ADRA1A: variants seen among roughly 807,000 people sequenced by gnomAD.
ADRA1A encodes the protein alpha-1A adrenergic receptor.
Under a neutral mutation model 29.6 loss-of-function variants are expected in ADRA1A, and 31 were observed. The observed-to-expected ratio is 1.05, with a 90% CI of 0.79 to 1.41. The LOEUF (loss-of-function observed/expected upper bound fraction) is 1.41. Among genes scored for constraint, ADRA1A ranks in the 40% most tolerant of loss-of-function variants. ADRA1A has a pLI of 0.00. For missense variants in ADRA1A, 619 were observed against 601.1 expected (o/e 1.03, Z -0.31); for synonymous variants, 311 against 254.3 (o/e 1.22, Z -2.12).
chr8:26,816,717 C>T (rs1385141969), intron 2 of ADRA1A, among the ~76,000 whole-genome samples: 1 of 152,206 alleles, frequency 6.6e-6, no homozygotes, highest in Non-Finnish European at 1.5e-5. Context: ...CCTCAGCGCC[C>T]ACCAGCTGCT....
At chr8:26,785,322 T>C (rs983308485) in intron 2 of ADRA1A, among the ~76,000 whole-genome samples, 1 of 152,196 alleles carries the variant, frequency 6.6e-6, no homozygotes, top group African/African-American at 2.4e-5. Context: ...ATTACACACA[T>C]TTTGATCTAA....
intron 2 of ADRA1A, among the ~76,000 whole-genome samples, chr8:26,845,449 T>C (rs1812131342): frequency 6.6e-6 from 1 of 152,188 alleles, no homozygotes; most frequent in African/African-American, 2.4e-5. Context: ...ATGGTGAGGA[T>C]GTAGAGAAAC....
chr8:26,828,543 C>A (rs1810751492), intron 2 of ADRA1A, among the ~76,000 whole-genome samples: 1 of 152,162 alleles, frequency 6.6e-6, no homozygotes, highest in African/African-American at 2.4e-5. Flanking sequence ...GCTCTATCAG[C>A]TGGGGAAAGA....
At chr8:26,749,156 G>A (rs1733295431) in intron 2 of ADRA1A, among the ~76,000 whole-genome samples, 1 of 152,176 alleles carries the variant, frequency 6.6e-6, no homozygotes, top group African/African-American at 2.4e-5. Context: ...TCTAAAATAA[G>A]CTCTCAAAGT....
intron 2 of ADRA1A, among the ~76,000 whole-genome samples, chr8:26,847,044 G>T (rs1461269755): frequency 6.6e-6 from 1 of 152,040 alleles, no homozygotes; most frequent in Non-Finnish European, 1.5e-5. Flanking sequence ...ACAGGAAGGG[G>T]AACATCACAC....
rs186128372 is a variant in ADRA1A, at chr8:26,800,821, C to T, written c.884-30155G>A. Among the ~76,000 whole-genome samples the T allele has an allele frequency of 2.1e-3, 326 of 152,150 alleles. 1 individual carries two copies. Among genetic ancestry groups the T allele is most frequent in the African/African-American group, 7.6e-3 (316 of 41,524 alleles). ...AATCATCAAAAAGAGACATAAAAAA[C>T]CCCAAAACAAAATTACAGGATAATA... is the stretch of plus-strand genomic sequence containing the variant. On this transcript the variant is annotated intron_variant, in intron 2 of 2. Coordinates refer to ENST00000380573, the MANE Select transcript of ADRA1A (RefSeq NM_000680.4).
intron 2 of ADRA1A, among the ~76,000 whole-genome samples, chr8:26,842,731 C>G (rs1158751521): frequency 2.0e-5 from 3 of 152,110 alleles, no homozygotes; most frequent in Non-Finnish European, 4.4e-5. Flanking sequence ...AAACCTTTGT[C>G]TGGTTTTCAA....
In ADRA1A at chr8:26,864,154, T is replaced by C; in HGVS notation, c.816A>G (p.Lys272=). 6.2e-7 allele frequency: 1 copy of C among 1,614,098 alleles called. No individual in the cohort carries two copies. The highest frequency in any genetic ancestry group is 8.5e-7 in the Non-Finnish European group (1 of 1,180,022). The part of the protein sequence containing the change: ...LKFSREKKAA[K]TLGIVVGCFV... Reference sequence around the variant, plus strand: ...AGCAGCCGACCACGATGCCCAGCGTTTTGGCCGCTTTCTTCTCCCGGGAGA... The same window carrying C: ...AGCAGCCGACCACGATGCCCAGCGTCTTGGCCGCTTTCTTCTCCCGGGAGA... The change falls in exon 2 of 3, where the codon AAA becomes AAG. Residue 272 remains lysine, a synonymous_variant. Transcript: ENST00000380573. The surrounding 1 kb of genome is among the most constrained non-coding windows in gnomAD (Gnocchi z 8.1).
Position 26,825,715 on chromosome 8 carries a change from G to A in ADRA1A, c.883+38372C>T, listed in dbSNP as rs1454889147. Among the ~76,000 whole-genome samples, 2 of 152,208 alleles carry A rather than the reference G, an allele frequency of 1.3e-5. No individual in the cohort carries two copies. The highest frequency in any genetic ancestry group is 4.8e-5 in the African/African-American group (2 of 41,446). ...TTGTAATGATATATGAATTGCACAT[G>A]CACGCTAATTTATACTCTCCCTCCT... On this transcript the variant is annotated intron_variant, in intron 2 of 2. Coordinates refer to ENST00000380573, the MANE Select transcript of ADRA1A (RefSeq NM_000680.4). The surrounding 1 kb of genome is among the most constrained non-coding windows in gnomAD (Gnocchi z 5.7).
At chr8:26,850,025 C>CAAAAAAAACAAAAACAAAAAACA (rs141672591) in intron 2 of ADRA1A, among the ~76,000 whole-genome samples, 2 of 121,558 alleles carry the variant, frequency 1.6e-5, no homozygotes, top group Non-Finnish European at 3.4e-5. Flanking sequence ...GAGAGAAATG[C>CAAAAAAAACAAAAACAAAAAACA]AAAAACAAAA....
At chr8:26,763,419 G>C (rs73558246), downstream of ADRA1A, among the ~76,000 whole-genome samples, 388 of 152,306 alleles carry the variant, frequency 2.5e-3, 1 homozygote, top group African/African-American at 8.2e-3. The surrounding 1 kb of genome is among the most constrained non-coding windows in gnomAD (Gnocchi z 4.5). Context: ...GATGAGGTGA[G>C]GAGCTGAATG....
intron 2 of ADRA1A, among the ~76,000 whole-genome samples, chr8:26,842,876 C>CAT (rs71858146): frequency 7.2e-5 from 7 of 96,570 alleles, no homozygotes; most frequent in African/African-American, 2.4e-4. Flanking sequence ...TACACACACA[C>CAT]ACACACACAC....
intron 2 of ADRA1A, among the ~76,000 whole-genome samples, chr8:26,822,059 C>A (rs1810210787): frequency 6.6e-6 from 1 of 152,122 alleles, no homozygotes; most frequent in African/African-American, 2.4e-5. Flanking sequence ...AACTCCTGTA[C>A]AAGTTTTTTG....
chr8:26,759,160 T>C (rs1230980146), intron 2 of ADRA1A, among the ~76,000 whole-genome samples: 1 of 152,222 alleles, frequency 6.6e-6, no homozygotes, highest in Non-Finnish European at 1.5e-5. Flanking sequence ...TCACATCTGA[T>C]GAAGAAAGCA....
At chr8:26,792,988 G>A (rs1421467143) in intron 2 of ADRA1A, among the ~76,000 whole-genome samples, 1 of 151,758 alleles carries the variant, frequency 6.6e-6, no homozygotes, top group East Asian at 1.9e-4. Context: ...AGACACAAAA[G>A]ACATGGTTAC....
chr8:26,769,674 C>CA lies in ADRA1A; in HGVS notation c.*474_*475insT. 2.0e-6 allele frequency: 2 copies of CA among 986,412 alleles called. No individual in the cohort carries two copies. The highest frequency in any genetic ancestry group is 2.4e-6 in the Non-Finnish European group (2 of 830,686). 61.1% of individuals were successfully genotyped at this position (986,412 alleles called of 1,614,324 possible). A position where few individuals can be genotyped will look rare whatever the true frequency, so the allele number is the denominator to read the frequency against. Reference sequence around the variant, plus strand: ...AATGTGTCTGGATCTCGGCCACCATCTTAATGCTCTTCCTCTCTAGGCCCT... The same window carrying CA: ...AATGTGTCTGGATCTCGGCCACCATCATTAATGCTCTTCCTCTCTAGGCCCT... On this transcript the variant is annotated 3_prime_UTR_variant, in exon 3 of 3. Transcript: ENST00000380573.
chr8:26,792,712 C>A (rs1288204381), intron 2 of ADRA1A, among the ~76,000 whole-genome samples: 3 of 147,116 alleles, frequency 2.0e-5, no homozygotes, highest in Non-Finnish European at 4.5e-5. Context: ...CAGTGTCTGG[C>A]ACATAGTAAG....
chr8:26,779,020 G>A (rs1046494823), intron 2 of ADRA1A: 10 of 226,566 alleles, frequency 4.4e-5, no homozygotes, highest in Non-Finnish European at 7.6e-5. Context: ...CCAGTCTAAA[G>A]AAGAGTAATC....
downstream of ADRA1A, among the ~76,000 whole-genome samples, chr8:26,761,603 C>T (rs1805505410): frequency 6.6e-6 from 1 of 152,196 alleles, no homozygotes; most frequent in African/African-American, 2.4e-5. Context: ...GGAGAGATAC[C>T]TCACAGGAAA....
Sources: allele counts gnomAD v4.1 joint callset (sites outside exome capture counted in the v4.1 genomes callset), GRCh38; gene constraint gnomAD v4.1.1; non-coding constraint Gnocchi (gnomAD v3.1); transcripts MANE v1.5; gene names NCBI Gene and HGNC (gene_info 2026-07-23, HGNC 2026-07-21).